Variants in PIK3C2G observed in about 807,000 individuals in gnomAD.
The protein encoded by PIK3C2G is phosphatidylinositol 3-kinase C2 domain-containing subunit gamma.
A neutral mutation model predicts 181.1 loss-of-function variants in PIK3C2G; 168 were observed. The observed-to-expected ratio is 0.93, with a 90% CI of 0.82 to 1.05. PIK3C2G has a LOEUF of 1.05. Ranked by LOEUF, PIK3C2G falls within the 50% of genes least tolerant of loss-of-function variation. The pLI, the probability that PIK3C2G is intolerant of heterozygous loss-of-function variation, is 0.00. For synonymous variants in PIK3C2G, 573 were observed against 592.2 expected (o/e 0.97, Z 0.47); for missense variants, 1,869 against 1,732.8 (o/e 1.08, Z -1.40).
At chr12:18,405,269 G>C (rs1160428304) in intron 16 of PIK3C2G, among the ~76,000 whole-genome samples, 1 of 152,188 alleles carries the variant, frequency 6.6e-6, no homozygotes, top group Non-Finnish European at 1.5e-5. Context: ...AACAATGTGG[G>C]AGTTGTTGGC....
At chr12:18,372,461 A>C (rs893300855) in intron 13 of PIK3C2G, 1 of 152,222 alleles carries the variant, frequency 6.6e-6, no homozygotes, top group Non-Finnish European at 1.5e-5. Context: ...TTTATCCCTA[A>C]AAGCAATACC....
At position 18,314,036 on chromosome 12, in the gene PIK3C2G, G is replaced by A. The variant is rs1156380559; in HGVS notation, c.1109G>A (p.Arg370Lys). ...SVIQLHLQKS[R>K]EAPGKLSRKH... ...ATTCAGCTCCACCTGCAGAAAAGTA[G>A]GGAAGCTCCAGGAAAGCTATCTCGA... The change falls in exon 6 of 33, where the codon AGG becomes AAG. Residue 370 changes from arginine to lysine, a missense_variant. Physicochemically the swap from Arg to Lys is conservative, Grantham distance 26 (BLOSUM62 2). Coordinates refer to ENST00000538779, the MANE Select transcript of PIK3C2G (RefSeq NM_001288772.2). 6.3e-7 allele frequency: 1 copy of A among 1,580,714 alleles called. No individual in the cohort carries two copies. The highest frequency in any genetic ancestry group is 1.8e-5 in the Admixed American group (1 of 56,482).
At chr12:18,695,043 T>C in the PIK3C2G span, 1 of 1,613,080 alleles carries the variant, frequency 6.2e-7, no homozygotes, top group Non-Finnish European at 8.5e-7. Flanking sequence ...ATTTTGCAGA[T>C]CCATGGGCAG....
intron 16 of PIK3C2G, among the ~76,000 whole-genome samples, chr12:18,408,910 G>A (rs1944696857): frequency 6.6e-6 from 1 of 152,176 alleles, no homozygotes. Context: ...AGATGCTGGA[G>A]AGGATGTGGG....
intron 29 of PIK3C2G, among the ~76,000 whole-genome samples, chr12:18,579,130 CTTGA>C (rs1227138403): frequency 2.0e-5 from 3 of 151,994 alleles, no homozygotes; most frequent in Non-Finnish European, 4.4e-5. Flanking sequence ...GTGTAACACT[CTTGA>C]TTAAGAGCTT....
chr12:18,629,268 G>T (rs1340206837), intron 31 of PIK3C2G, among the ~76,000 whole-genome samples: 2 of 152,144 alleles, frequency 1.3e-5, no homozygotes, highest in Non-Finnish European at 2.9e-5. Context: ...ATATGAGAGA[G>T]GGCACAGGAA....
chr12:18,628,921 A>G (rs1263975432), intron 31 of PIK3C2G, among the ~76,000 whole-genome samples: 1 of 152,178 alleles, frequency 6.6e-6, no homozygotes, highest in East Asian at 1.9e-4. Context: ...GTGAGACCCC[A>G]TCTCTGAAAA....
the PIK3C2G span, among the ~76,000 whole-genome samples, chr12:18,675,339 T>C: frequency 6.6e-6 from 1 of 152,250 alleles, no homozygotes; most frequent in African/African-American, 2.4e-5. Flanking sequence ...ATAACCATTA[T>C]AGAAGTCTAG....
chr12:18,346,503 A>C, intron 10 of PIK3C2G, 138 bp from the exon 11 acceptor site: 1 of 511,320 alleles, frequency 2.0e-6, no homozygotes, highest in Non-Finnish European at 3.4e-6. Flanking sequence ...ACAGATAGTT[A>C]ATTCTCTTCA....
chr12:18,374,422 T>A (rs900708373), intron 13 of PIK3C2G, among the ~76,000 whole-genome samples: 1 of 152,180 alleles, frequency 6.6e-6, no homozygotes, highest in Non-Finnish European at 1.5e-5. Flanking sequence ...TTTCTTATTG[T>A]TTTTCTCTCC....
intron 29 of PIK3C2G, among the ~76,000 whole-genome samples, chr12:18,573,453 A>C (rs1205685757): frequency 1.3e-5 from 2 of 152,164 alleles, no homozygotes; most frequent in Non-Finnish European, 2.9e-5. Context: ...AGTGCTGCTT[A>C]ACTTCTCAGC....
intron 30 of PIK3C2G, among the ~76,000 whole-genome samples, chr12:18,600,978 A>G (rs1592687953): frequency 6.6e-6 from 1 of 152,240 alleles, no homozygotes; most frequent in East Asian, 1.9e-4. Flanking sequence ...AAGTATTTAC[A>G]CCAATAGTTT....
upstream of PIK3C2G, among the ~76,000 whole-genome samples, chr12:18,259,088 C>A (rs1377781097): frequency 6.6e-6 from 1 of 152,044 alleles, no homozygotes; most frequent in Non-Finnish European, 1.5e-5. Context: ...CAGGTAGTAA[C>A]TAGGTTCGGG....
chr12:18,339,177 C>T (rs1030813208), intron 9 of PIK3C2G, among the ~76,000 whole-genome samples: 9 of 151,750 alleles, frequency 5.9e-5, no homozygotes, highest in Non-Finnish European at 1.0e-4. Context: ...GATTATTTTC[C>T]AAGAAAAATA....
At chr12:18,510,301 A>G (rs1592448855) in intron 24 of PIK3C2G, among the ~76,000 whole-genome samples, 1 of 152,318 alleles carries the variant, frequency 6.6e-6, no homozygotes, top group South Asian at 2.1e-4. Context: ...ACCGATACAA[A>G]TTAAAGTGGC....
intron 31 of PIK3C2G, among the ~76,000 whole-genome samples, chr12:18,636,074 T>G (rs996926239): frequency 6.6e-6 from 1 of 152,238 alleles, no homozygotes; most frequent in African/African-American, 2.4e-5. Context: ...GTTAGCATAC[T>G]GTCATCAGTG....
chr12:18,498,291 T>C (rs1309102649), intron 22 of PIK3C2G, among the ~76,000 whole-genome samples: 2 of 152,190 alleles, frequency 1.3e-5, no homozygotes, highest in African/African-American at 2.4e-5. Context: ...GAAATCAATA[T>C]GAAAACATAA....
intron 26 of PIK3C2G, among the ~76,000 whole-genome samples, chr12:18,550,881 A>G (rs9804997): frequency 0.11 from 17,252 of 152,000 alleles, 2,690 homozygotes; most frequent in African/African-American, 0.35. Flanking sequence ...TTAGCACTAA[A>G]GGGCTGCCCC....
intron 12 of PIK3C2G, 79 bp downstream of exon 12, chr12:18,362,965 A>T: frequency 8.6e-7 from 1 of 1,157,440 alleles, no homozygotes; most frequent in Non-Finnish European, 1.2e-6. Flanking sequence ...AAAGCAAGGG[A>T]TGTAATTTAA....
Sources: gnomAD v4.1 joint callset for allele counts (sites outside exome capture counted in the v4.1 genomes callset) on GRCh38, gnomAD v4.1.1 for gene constraint, MANE v1.5 for transcripts, NCBI Gene and HGNC (gene_info 2026-07-23, HGNC 2026-07-21) for gene names.